Variants in H2BW1 observed in about 807,000 individuals in gnomAD.
The protein encoded by H2BW1 is histone H2B type W-T.
H2BW1 carries 9 observed loss-of-function variants against 8.0 expected under a neutral mutation model. That is an observed-to-expected ratio of 1.13 (90% CI 0.68 to 1.97). The LOEUF is 1.97. H2BW1 is among the 30% of genes most tolerant of loss of function. H2BW1 has a pLI of 0.00. For synonymous variants in H2BW1, 58 were observed against 54.7 expected (o/e 1.06, Z -0.26); for missense variants, 137 against 132.0 (o/e 1.04, Z -0.19).
At position 104,013,604 on chromosome X, in the gene H2BW1, C is replaced by T. The variant is rs371176620; in HGVS notation, c.-28G>A. 62 of 1,209,434 alleles carry T rather than the reference C, an allele frequency of 5.1e-5. No homozygotes were observed. The highest frequency in any genetic ancestry group is 2.3e-4 in the Middle Eastern group (1 of 4,347). ...CGGAGGCAGTGGCCATTAGATGGCA[C>T]GACCAGACAATGGCGGTTGTGGACC... On this transcript the variant is annotated 5_prime_UTR_variant, in exon 1 of 3. The change creates a new upstream start codon in the 5' untranslated region. Coordinates refer to ENST00000217926, the MANE Select transcript of H2BW1 (RefSeq NM_001002916.5).
chrX:104,012,905 A>G (rs2075130060), intron 1 of H2BW1, among the ~76,000 whole-genome samples, 157 bp from the exon 2 acceptor site: 1 of 112,558 alleles, frequency 8.9e-6, no homozygotes, highest in Non-Finnish European at 1.9e-5. Context: ...GGAAACACCC[A>G]CTATTTTTCC....
chrX:104,012,842 C>A, intron 1 of H2BW1, 94 bp from the exon 2 acceptor site: 1 of 1,130,252 alleles, frequency 8.8e-7, no homozygotes. Flanking sequence ...AGCCTAGAAA[C>A]ATAACTAACA....
In H2BW1 at chrX:104,012,717, T is replaced by G. The variant is rs200273766; in HGVS notation, c.439A>C (p.Lys147Gln). Residue 147 changes from lysine (K) to glutamine (Q), a missense_variant, in exon 2 of 3, where the codon AAG (lysine) becomes CAG (glutamine). By Grantham distance (53) the Lys-to-Gln change is moderately conservative. Transcript: ENST00000217926. Reference sequence around the variant, plus strand: ...TGCTTCTTGTATCAGCGTATTCACTTTCTCTGTTGCTGTATGGCATACAGT... The same window carrying G: ...TGCTTCTTGTATCAGCGTATTCACTGTCTCTGTTGCTGTATGGCATACAGT... ...TSLYAIQQQR[K>Q] 105 of 1,210,217 alleles carry G rather than the reference T, an allele frequency of 8.7e-5. No individual in the cohort carries two copies. Among genetic ancestry groups the G allele is most frequent in the Non-Finnish European group, 1.1e-4 (101 of 895,333 alleles).
At chrX:104,012,569 T>C (rs2075129010) in intron 2 of H2BW1, 121 bp downstream of exon 2, 3 of 1,063,942 alleles carry the variant, frequency 2.8e-6, no homozygotes, top group Non-Finnish European at 3.8e-6. Flanking sequence ...TCGAGGAAGC[T>C]GGAAAATGAA....
Position 104,012,750 on chromosome X carries a change from T to C in H2BW1, c.408-2A>G. On this transcript the variant is annotated splice_acceptor_variant, in intron 1 of 2. Transcript: ENST00000217926. LOFTEE classifies it high-confidence loss of function. ...TGCTGTATGGCATACAGTGAAGTTCTGGAAAATTCCACCATCCAGTCACAG... is the reference window on the plus strand; with the variant it reads ...TGCTGTATGGCATACAGTGAAGTTCCGGAAAATTCCACCATCCAGTCACAG... 8.3e-7 allele frequency: 1 copy of C among 1,211,983 alleles called. No individual in the cohort carries two copies. The highest frequency in any genetic ancestry group is 1.1e-6 in the Non-Finnish European group (1 of 895,536).
Position 104,013,639 on chromosome X carries a change from G to A in H2BW1, c.-63C>T, listed in dbSNP as rs782472890. 3.7e-5 allele frequency: 45 copies of A among 1,202,782 alleles called. 1 individual carries two copies. In the African/African-American group the frequency reaches 5.2e-4, roughly 14 times the overall value. ...ATGGCGGTTGTGGACCGGGGAAGCC[G>A]GGGCACTTCGGTACGCAGCATGGCT... On this transcript the variant is annotated 5_prime_UTR_variant, in exon 1 of 3. Coordinates refer to ENST00000217926, the MANE Select transcript of H2BW1 (RefSeq NM_001002916.5).
chrX:104,011,827 T>C (rs1556337270), intron 2 of H2BW1, among the ~76,000 whole-genome samples: 3 of 112,091 alleles, frequency 2.7e-5, no homozygotes. Flanking sequence ...GTTTATGAGA[T>C]GTTTCAAAAT....
Position 104,013,157 on chromosome X carries a change from G to T in H2BW1, c.407+13C>A. The stretch of plus-strand genomic sequence containing the variant: ...CGGGTGCTCCTGAGGGAGCGCACTT[G>T]CTCCTGGTGTACCTGAGGACAGCCT... On this transcript the variant is annotated intron_variant, in intron 1 of 2. Coordinates refer to ENST00000217926, the MANE Select transcript of H2BW1 (RefSeq NM_001002916.5). 1.7e-6 allele frequency: 2 copies of T among 1,191,608 alleles called. No homozygotes were observed. The highest frequency in any genetic ancestry group is 1.1e-6 in the Non-Finnish European group (1 of 884,630).
chrX:104,012,751 G>A lies in H2BW1; in HGVS notation c.408-3C>T, dbSNP rs781966605. ...GCTGTATGGCATACAGTGAAGTTCT[G>A]GAAAATTCCACCATCCAGTCACAGG... On this transcript the variant is annotated splice_polypyrimidine_tract_variant and splice_region_variant and intron_variant, in intron 1 of 2. Coordinates refer to ENST00000217926, the MANE Select transcript of H2BW1 (RefSeq NM_001002916.5). The A allele has an allele frequency of 9.1e-6, 11 of 1,211,393 alleles. No homozygotes were observed. The highest frequency in any genetic ancestry group is 1.2e-5 in the Non-Finnish European group (11 of 895,382).
At chrX:104,011,619 T>C (rs782220836) in intron 2 of H2BW1, among the ~76,000 whole-genome samples, 156 bp from the exon 3 acceptor site, 96 of 111,644 alleles carry the variant, frequency 8.6e-4, no homozygotes, top group Non-Finnish European at 1.5e-3. Context: ...CATGCCCCCA[T>C]TTCCCTCTTG....
intron 2 of H2BW1, among the ~76,000 whole-genome samples, chrX:104,012,415 A>G (rs2075128645): frequency 8.9e-6 from 1 of 112,581 alleles, no homozygotes; most frequent in African/African-American, 3.2e-5. Context: ...TACACCACTG[A>G]ACACTAGGGC....
chrX:104,013,066 C>A, intron 1 of H2BW1, 104 bp downstream of exon 1: 1 of 1,076,590 alleles, frequency 9.3e-7, no homozygotes, highest in South Asian at 2.2e-5. Context: ...TCCCCCTTGG[C>A]GAGCCACTGG....
intron 2 of H2BW1, among the ~76,000 whole-genome samples, chrX:104,012,398 C>T (rs1396376769): frequency 8.9e-6 from 1 of 112,531 alleles, no homozygotes; most frequent in Non-Finnish European, 1.9e-5. Context: ...GCAAGTCACT[C>T]ATTGGCTACA....
At chrX:104,012,215 C>G (rs1556337365) in intron 2 of H2BW1, among the ~76,000 whole-genome samples, 2 of 112,431 alleles carry the variant, frequency 1.8e-5, no homozygotes, top group Non-Finnish European at 3.8e-5. Flanking sequence ...ACTCCTAGCA[C>G]TGGATTCATA....
Position 104,013,496 on chromosome X carries a change from G to A in H2BW1, c.81C>T (p.Ser27=). 1 of 1,211,912 alleles carries A rather than the reference G, an allele frequency of 8.3e-7. No homozygotes were observed. Among genetic ancestry groups the A allele is most frequent in the Non-Finnish European group, 1.1e-6 (1 of 895,541 alleles). ...QEPKEANSTT[S]QKQSKQRKRG... ...GCTTCCTCTGCTTGCTCTGCTTCTG[G>A]GACGTAGTGGAGTTGGCCTCTTTGG... Residue 27 remains serine, a synonymous_variant, in exon 1 of 3, where the codon TCC becomes TCT. Coordinates refer to ENST00000217926, the MANE Select transcript of H2BW1 (RefSeq NM_001002916.5).
At chrX:104,012,303 C>A (rs1379274612) in intron 2 of H2BW1, among the ~76,000 whole-genome samples, 3 of 111,587 alleles carry the variant, frequency 2.7e-5, no homozygotes, top group Non-Finnish European at 5.6e-5. Flanking sequence ...CCCCAAACAC[C>A]AGACTGCATA....
chrX:104,012,517 G>A (rs782538066), intron 2 of H2BW1, among the ~76,000 whole-genome samples, 173 bp downstream of exon 2: 2 of 112,615 alleles, frequency 1.8e-5, no homozygotes, highest in African/African-American at 3.2e-5. Flanking sequence ...AAAGATTATC[G>A]TCATGGCAAA....
intron 2 of H2BW1, among the ~76,000 whole-genome samples, chrX:104,012,489 C>A (rs1556337448): frequency 8.9e-6 from 1 of 112,583 alleles, no homozygotes. Context: ...ACGAAGGTTT[C>A]TGTTTAAAAA....
rs782731539 is a variant in H2BW1, at chrX:104,013,410, T to C, written c.167A>G (p.Tyr56Cys). The stretch of plus-strand genomic sequence containing the variant: ...AACCTGCTTCAGCACCCGGCGGAAA[T>C]AGGTGGCGAAGCTGTCCCCGCGGCA... Reference protein sequence around the residue: ...SNCRGDSFATYFRRVLKQVHQ... With the variant: ...SNCRGDSFATCFRRVLKQVHQ... The change falls in exon 1 of 3, where the codon TAT becomes TGT. Residue 56 changes from tyrosine (Y) to cysteine (C), a missense_variant. Coordinates refer to ENST00000217926, the MANE Select transcript of H2BW1 (RefSeq NM_001002916.5). 1 of 1,211,590 alleles carries C rather than the reference T, an allele frequency of 8.3e-7. No homozygotes were observed. The highest frequency in any genetic ancestry group is 2.2e-5 in the Admixed American group (1 of 46,089).
Sources: gnomAD v4.1 joint callset for allele counts (sites outside exome capture counted in the v4.1 genomes callset) on GRCh38, gnomAD v4.1.1 for gene constraint, MANE v1.5 for transcripts, NCBI Gene and HGNC (gene_info 2026-07-23, HGNC 2026-07-21) for gene names.